Variants in EHMT2 observed in about 807,000 individuals in gnomAD.
The protein encoded by EHMT2 is euchromatic histone lysine methyltransferase 2, also known as histone-lysine N-methyltransferase EHMT2.
Under a neutral mutation model 143.3 loss-of-function variants are expected in EHMT2, and 59 were observed. That is an observed-to-expected ratio of 0.41 (90% CI 0.33 to 0.51). The LOEUF (loss-of-function observed/expected upper bound fraction) is 0.51, where lower values mean the gene tolerates loss of function less well. Ranked by LOEUF, EHMT2 falls within the 20% of genes least tolerant of loss-of-function variation. The pLI, the probability that EHMT2 is intolerant of heterozygous loss-of-function variation, is 0.18. For missense variants in EHMT2, 1,174 were observed against 1,645.9 expected (o/e 0.71, Z 4.96); for synonymous variants, 604 against 651.5 (o/e 0.93, Z 1.11).
chr6:31,897,584 C>A, intron 1 of EHMT2, 52 bp downstream of exon 1: 1 of 1,125,122 alleles, frequency 8.9e-7, no homozygotes, highest in Non-Finnish European at 1.1e-6. Context: ...CGCGCGCTTC[C>A]CCCGGGCGCG....
In EHMT2 at chr6:31,889,565, T is replaced by C. The variant is rs1765417673; in HGVS notation, c.902A>G (p.Glu301Gly). Residue 301 changes from glutamate to glycine, a missense_variant, in exon 8 of 28, where the codon GAG becomes GGG. Transcript: ENST00000375537. The surrounding 1 kb of genome is among the most constrained non-coding windows in gnomAD (Gnocchi z 5.1). ...TTCTTCCTCCTCTTCCTCCTCCTCC[T>C]CTTCACTTAGTTGTTCAGTTAGAGC... The C allele has an allele frequency of 1.2e-6, 2 of 1,611,668 alleles. No individual in the cohort carries two copies. Among genetic ancestry groups the C allele is most frequent in the Non-Finnish European group, 1.7e-6 (2 of 1,179,952 alleles).
exon 1 of EHMT2, chr6:31,897,646 G>C (rs981379318): frequency 2.6e-6 from 3 of 1,160,742 alleles, no homozygotes; most frequent in African/African-American, 3.2e-5. Flanking sequence ...CTCGGCGGCC[G>C]CCGCCGCTGC....
Position 31,896,906 on chromosome 6 carries a change from G to C in EHMT2, c.109+17C>G, listed in dbSNP as rs1201110303. On this transcript the variant is annotated intron_variant, in intron 2 of 27. Coordinates refer to ENST00000375537, the Ensembl canonical transcript of EHMT2. ...GAAGGTGACGGTCCAATTGGGGCCC[G>C]TTTTAGCTGCACTCACCTCTCTCGG... 6.2e-7 allele frequency: 1 copy of C among 1,609,516 alleles called. No individual in the cohort carries two copies. Among genetic ancestry groups the C allele is most frequent in the South Asian group, 1.1e-5 (1 of 90,914 alleles).
In EHMT2 at chr6:31,886,694, A is replaced by C. The variant is rs368334829; in HGVS notation, c.2242-12T>G. On this transcript the variant is annotated splice_polypyrimidine_tract_variant and intron_variant, in intron 17 of 27. Transcript: ENST00000375537. ...GAACCGTCCTCCTCCTGAGGGAGAC[A>C]CGGGCAAATGAGCCTTTGGGCTGGC... 1.2e-6 allele frequency: 2 copies of C among 1,614,078 alleles called. No individual in the cohort carries two copies. The highest frequency in any genetic ancestry group is 1.7e-6 in the Non-Finnish European group (2 of 1,179,968).
chr6:31,890,467 G>A (rs1255025249), intron 7 of EHMT2, among the ~76,000 whole-genome samples: 1 of 151,640 alleles, frequency 6.6e-6, no homozygotes, highest in Non-Finnish European at 1.5e-5. Flanking sequence ...ATGTTGGCTA[G>A]GCTGGTCTCA....
rs1475512415 is a variant in EHMT2 at position 31,888,508 on chromosome 6, T to C, written c.1366-2A>G. 1 of 1,612,106 alleles carries C rather than the reference T, an allele frequency of 6.2e-7. No homozygotes were observed. Among genetic ancestry groups the C allele is most frequent in the Non-Finnish European group, 8.5e-7 (1 of 1,179,590 alleles). ...GATGGCGGCATTGCAGCCTGACAGC[T>C]GTGCGCAGTGAGGATGGGTGAGAAG... On this transcript the variant is annotated splice_acceptor_variant, in intron 11 of 27. Transcript: ENST00000375537. LOFTEE classifies it high-confidence loss of function. This position sits in a 1 kb window ranked among gnomAD's most constrained non-coding sequence, Gnocchi z 7.4.
At position 31,888,958 on chromosome 6, in the gene EHMT2, T is replaced by C. The variant is rs1055062769; in HGVS notation, c.1216+11A>G. 2 of 1,593,096 alleles carry C rather than the reference T, an allele frequency of 1.3e-6. No individual in the cohort carries two copies. Among genetic ancestry groups the C allele is most frequent in the Non-Finnish European group, 8.5e-7 (1 of 1,171,680 alleles). On this transcript the variant is annotated intron_variant, in intron 10 of 27. Transcript: ENST00000375537. This position sits in a 1 kb window ranked among gnomAD's most constrained non-coding sequence, Gnocchi z 7.4. Reference sequence around the variant, plus strand: ...CCCTAGTGGCTCCCTGTCCCGGCAATTGGCAATTACCAGCGTGGTTGGGGG... The same window carrying C: ...CCCTAGTGGCTCCCTGTCCCGGCAACTGGCAATTACCAGCGTGGTTGGGGG...
rs753881370 is a variant in EHMT2 at position 31,880,108 on chromosome 6, G to A, written c.3609C>T (p.Gly1203=). 6.8e-6 allele frequency: 11 copies of A among 1,612,776 alleles called. No homozygotes were observed. The highest frequency in any genetic ancestry group is 9.3e-6 in the Non-Finnish European group (11 of 1,179,982). ...CTCATGTGTTGACAGGGGGCAGGGAGCCGAGCTCGGGCAGCAGCTCAGGGT... is the reference window on the plus strand; with the variant it reads ...CTCATGTGTTGACAGGGGGCAGGGAACCGAGCTCGGGCAGCAGCTCAGGGT... The change falls in exon 28 of 28, where the codon GGC becomes GGT. Residue 1203 remains glycine, a synonymous_variant. Transcript: ENST00000375537. The surrounding 1 kb of genome is among the most constrained non-coding windows in gnomAD (Gnocchi z 6.6).
chr6:31,888,584 A>G lies in EHMT2; in HGVS notation c.1365+15T>C. ...TGGACGCCCTGGCACCTCTCCCACC[A>G]GCCCACGGCCCCACCTCTCCGTCCA... On this transcript the variant is annotated intron_variant, in intron 11 of 27. Transcript: ENST00000375537. The surrounding 1 kb of genome is among the most constrained non-coding windows in gnomAD (Gnocchi z 7.4). 1 of 1,611,340 alleles carries G rather than the reference A, an allele frequency of 6.2e-7. No individual in the cohort carries two copies.
In EHMT2 at chr6:31,884,079, C is replaced by A; in HGVS notation, c.2772-129G>T. The A allele has an allele frequency of 9.7e-7, 1 of 1,032,178 alleles. No homozygotes were observed. Among genetic ancestry groups the A allele is most frequent in the Non-Finnish European group, 1.4e-6 (1 of 725,922 alleles). 63.9% of individuals were successfully genotyped at this position (1,032,178 alleles called of 1,614,324 possible). A position where few individuals can be genotyped will look rare whatever the true frequency, so the allele number is the denominator to read the frequency against. On this transcript the variant is annotated intron_variant, in intron 21 of 27. Coordinates refer to ENST00000375537, the Ensembl canonical transcript of EHMT2. The surrounding 1 kb of genome is among the most constrained non-coding windows in gnomAD (Gnocchi z 7.3). Reference sequence around the variant, plus strand: ...GGGAGTAAGGTTGCCAGGTAAGATGCAGGACAGCGAGTTAACATAGAATTT... The same window carrying A: ...GGGAGTAAGGTTGCCAGGTAAGATGAAGGACAGCGAGTTAACATAGAATTT...
exon 5 of EHMT2, chr6:31,892,891 C>A: frequency 6.3e-7 from 1 of 1,581,850 alleles, no homozygotes; most frequent in Non-Finnish European, 8.6e-7. Flanking sequence ...TTCAGGGGGC[C>A]GCTTCTCAGG....
chr6:31,884,800 C>T lies in EHMT2; in HGVS notation c.2449-1G>A. ...CCCAGTGCAGGCAGATGTTCTCCTC[C>T]TGTGGAGGTAGGAGGGGAACAGATG... On this transcript the variant is annotated splice_acceptor_variant, in intron 19 of 27. Coordinates refer to ENST00000375537, the Ensembl canonical transcript of EHMT2. LOFTEE classifies it high-confidence loss of function. This position sits in a 1 kb window ranked among gnomAD's most constrained non-coding sequence, Gnocchi z 7.3. The T allele has an allele frequency of 6.3e-7, 1 of 1,596,196 alleles. No individual in the cohort carries two copies. The highest frequency in any genetic ancestry group is 8.5e-7 in the Non-Finnish European group (1 of 1,171,130).
At chr6:31,896,317 T>C (rs1405426134) in exon 4 of EHMT2, 1 of 1,612,994 alleles carries the variant, frequency 6.2e-7, no homozygotes, top group Admixed American at 1.7e-5. Context: ...CCTTGGGCTG[T>C]CCCTCTGGGC....
chr6:31,897,275 T>A (rs1766668693), intron 1 of EHMT2: 1 of 782,602 alleles, frequency 1.3e-6, no homozygotes, highest in Non-Finnish European at 1.7e-6. Flanking sequence ...TCCTCCCGGC[T>A]GCACGCGCCG....
intron 15 of EHMT2, 24 bp downstream of exon 15, chr6:31,887,553 G>A: frequency 6.2e-7 from 1 of 1,609,546 alleles, no homozygotes; most frequent in Non-Finnish European, 8.5e-7. Flanking sequence ...GTCAAGGTCT[G>A]CTGAAGGAAT....
At chr6:31,890,551 CA>C (rs1765551044) in intron 7 of EHMT2, among the ~76,000 whole-genome samples, 1 of 141,834 alleles carries the variant, frequency 7.1e-6, no homozygotes, top group Non-Finnish European at 1.6e-5. Context: ...ACGCCTGGGC[CA>C]AAAAATTTTT....
chr6:31,892,497 G>C, exon 7 of EHMT2: 1 of 1,612,996 alleles, frequency 6.2e-7, no homozygotes, highest in Non-Finnish European at 8.5e-7. Context: ...ACTCCTCCAG[G>C]GACCCGGGGT....
At position 31,884,886 on chromosome 6, in the gene EHMT2, C is replaced by T; in HGVS notation, c.2448+26G>A. The T allele has an allele frequency of 1.9e-6, 3 of 1,591,514 alleles. No homozygotes were observed. The highest frequency in any genetic ancestry group is 2.6e-6 in the Non-Finnish European group (3 of 1,163,076). On this transcript the variant is annotated intron_variant, in intron 19 of 27. Coordinates refer to ENST00000375537, the Ensembl canonical transcript of EHMT2. This position sits in a 1 kb window ranked among gnomAD's most constrained non-coding sequence, Gnocchi z 7.3. ...ACCTTGCTCAGGGGCCTGGGGCTGC[C>T]CTACCTCAACCAAACGCTCACTCAC...
At chr6:31,879,974 T>A in exon 28 of EHMT2, 1 of 1,222,440 alleles carries the variant, frequency 8.2e-7, no homozygotes, top group Non-Finnish European at 1.1e-6. Context: ...GAAAGGGTGG[T>A]GGGGAGAGAA....
Sources: allele counts gnomAD v4.1 joint callset (sites outside exome capture counted in the v4.1 genomes callset), GRCh38; gene constraint gnomAD v4.1.1; non-coding constraint Gnocchi (gnomAD v3.1); transcripts MANE v1.5; gene names NCBI Gene and HGNC (gene_info 2026-07-23, HGNC 2026-07-21).